The following SCG3 variants were observed in gnomAD, a reference collection of about 807,000 sequenced individuals.
SCG3 encodes the protein secretogranin-3.
SCG3 carries 38 observed loss-of-function variants against 56.2 expected under a neutral mutation model. The ratio of observed to expected loss-of-function variants is 0.68; its 90% CI spans 0.52 to 0.89. The LOEUF is 0.89. SCG3 is among the 40% of genes least tolerant of loss of function. The pLI is 0.00. For missense variants in SCG3, 524 were observed against 540.7 expected, an observed-to-expected ratio of 0.97 and a Z score of 0.31; for synonymous variants, 176 against 184.2, an observed-to-expected ratio of 0.96 and a Z score of 0.36.
chr15:51,697,413 C>A (rs2055311015), intron 8 of SCG3, among the ~76,000 whole-genome samples: 3 of 152,184 alleles, frequency 2.0e-5, no homozygotes. Context: ...CAGTGCTGCG[C>A]AATATGGTAA....
intron 4 of SCG3, among the ~76,000 whole-genome samples, chr15:51,687,082 A>G (rs1595828259): frequency 6.6e-6 from 1 of 152,200 alleles, no homozygotes; most frequent in African/African-American, 2.4e-5. Flanking sequence ...CGGAGATTCA[A>G]TTTCCATTTT....
At chr15:51,718,203 C>CAGACA (rs1343351735) in intron 11 of SCG3, among the ~76,000 whole-genome samples, 1 of 45,218 alleles carries the variant, frequency 2.2e-5, no homozygotes, top group Non-Finnish European at 5.1e-5. Flanking sequence ...GATAGATAGA[C>CAGACA]AGACAGACAG....
intron 10 of SCG3, among the ~76,000 whole-genome samples, chr15:51,704,315 A>T: frequency 6.9e-6 from 1 of 144,434 alleles, no homozygotes; most frequent in East Asian, 2.1e-4. Flanking sequence ...TAAAATGTAC[A>T]TAACCTAAAA....
chr15:51,716,398 A>G lies in SCG3; in HGVS notation c.1288+2985A>G, dbSNP rs541200102. 3.3e-5 allele frequency among the ~76,000 whole-genome samples: 5 copies of G among 152,344 alleles called. No homozygotes were observed. The East Asian group carries it at 7.7e-4, about 23-fold the overall frequency. On this transcript the variant is annotated intron_variant, in intron 11 of 11. Coordinates refer to ENST00000220478, the MANE Select transcript of SCG3 (RefSeq NM_013243.4). ...CTACTTCGTGCCTGAGAGAATGGGA[A>G]AAGTGAAAAACAAAAATAAAAATGA...
chr15:51,708,201 T>C (rs2055388111), intron 10 of SCG3: 1 of 152,168 alleles, frequency 6.6e-6, no homozygotes. Context: ...GAGAAAATAG[T>C]CCAGCTTTCC....
intron 10 of SCG3, among the ~76,000 whole-genome samples, chr15:51,711,727 C>T (rs1322377712): frequency 6.6e-6 from 1 of 152,208 alleles, no homozygotes; most frequent in Non-Finnish European, 1.5e-5. Context: ...TCAAACAATC[C>T]TCCCTCTTTG....
At chr15:51,687,737 T>C (rs2055238298) in intron 4 of SCG3, among the ~76,000 whole-genome samples, 1 of 152,186 alleles carries the variant, frequency 6.6e-6, no homozygotes, top group Non-Finnish European at 1.5e-5. Context: ...TTATTTTAGG[T>C]GAGTCATAAA....
rs757371895 is a variant in SCG3 at position 51,695,982 on chromosome 15, TCCTA to T, written c.980_983del (p.Tyr327LeufsTer7). 12 of 1,570,972 alleles carry T rather than the reference TCCTA, an allele frequency of 7.6e-6. No homozygotes were observed. Among genetic ancestry groups the T allele is most frequent in the African/African-American group, 1.4e-5 (1 of 74,000 alleles). On this transcript the variant is annotated frameshift_variant, in exon 8 of 12. Transcript: ENST00000220478. LOFTEE classifies it high-confidence loss of function. Reference sequence around the variant, plus strand: ...AACAATATCTCCAGAAGAAGGTGTTTCCTACCTTGGTGAGATTCTATGTGTTTTG... The same window carrying T: ...AACAATATCTCCAGAAGAAGGTGTTTCCTTGGTGAGATTCTATGTGTTTTG...
At position 51,719,537 on chromosome 15, in the gene SCG3, AG is replaced by A. The variant is rs1270618293; in HGVS notation, c.*12del. On this transcript the variant is annotated 3_prime_UTR_variant, in exon 12 of 12. Coordinates refer to ENST00000220478, the MANE Select transcript of SCG3 (RefSeq NM_013243.4). ...TATAGCAGCCTGTAAAAATGGCAAA[AG>A]ATCCAGGAGTCTTTCAACTGTTTCA... is the stretch of plus-strand genomic sequence containing the variant. 4 of 1,541,930 alleles carry A rather than the reference AG, an allele frequency of 2.6e-6. No individual in the cohort carries two copies. The highest frequency in any genetic ancestry group is 3.6e-6 in the Non-Finnish European group (4 of 1,116,340).
chr15:51,714,331 A>G (rs1011446902), intron 11 of SCG3, among the ~76,000 whole-genome samples: 1 of 152,176 alleles, frequency 6.6e-6, no homozygotes, highest in African/African-American at 2.4e-5. Context: ...GTGACTACAG[A>G]TTGAAAAAAT....
intron 10 of SCG3, among the ~76,000 whole-genome samples, chr15:51,712,484 A>G (rs1215979072): frequency 2.0e-5 from 3 of 152,228 alleles, no homozygotes; most frequent in African/African-American, 7.2e-5. Flanking sequence ...CCATGTCTGA[A>G]GGTGAGGTCT....
intron 10 of SCG3, among the ~76,000 whole-genome samples, chr15:51,707,310 A>G (rs2055382603): frequency 1.3e-5 from 2 of 152,234 alleles, no homozygotes; most frequent in Admixed American, 6.5e-5. Flanking sequence ...AGCCTATTTA[A>G]TAAGTTGATA....
intron 9 of SCG3, 34 bp downstream of exon 9, chr15:51,699,436 A>T: frequency 7.6e-7 from 1 of 1,321,000 alleles, no homozygotes; most frequent in Non-Finnish European, 1.1e-6. Context: ...TAGCCTTTAG[A>T]ATAATAACCC....
intron 11 of SCG3, among the ~76,000 whole-genome samples, chr15:51,719,105 A>G (rs953936497): frequency 6.6e-6 from 1 of 152,194 alleles, no homozygotes; most frequent in African/African-American, 2.4e-5. Context: ...TGTTTGGTAT[A>G]AACATTAAAA....
chr15:51,698,893 C>T (rs2055321384), intron 8 of SCG3, among the ~76,000 whole-genome samples: 1 of 152,172 alleles, frequency 6.6e-6, no homozygotes, highest in Admixed American at 6.5e-5. Flanking sequence ...ATGGAAGACC[C>T]TGTTTAGTCA....
intron 4 of SCG3, 52 bp from the exon 5 acceptor site, chr15:51,688,208 A>G: frequency 1.3e-6 from 2 of 1,538,962 alleles, no homozygotes; most frequent in Non-Finnish European, 8.9e-7. Context: ...AATATGATGC[A>G]TGAAATAGAT....
At chr15:51,690,851 A>C (rs781550755) in intron 6 of SCG3, among the ~76,000 whole-genome samples, 5 of 152,202 alleles carry the variant, frequency 3.3e-5, no homozygotes, top group Non-Finnish European at 5.9e-5. Context: ...ATTTCAACAA[A>C]TATTTATTGA....
chr15:51,718,184 GGATA>G (rs3078126), intron 11 of SCG3, among the ~76,000 whole-genome samples: 221 of 122,422 alleles, frequency 1.8e-3, no homozygotes, highest in South Asian at 7.2e-3. Context: ...ATGGATGGAT[GGATA>G]GATAGATAGA....
At position 51,683,178 on chromosome 15, in the gene SCG3, G is replaced by T; in HGVS notation, c.182-41G>T. The T allele has an allele frequency of 1.9e-6, 3 of 1,603,082 alleles. No individual in the cohort carries two copies. In the South Asian group the frequency reaches 3.3e-5, roughly 18 times the overall value. On this transcript the variant is annotated intron_variant, in intron 3 of 11. Coordinates refer to ENST00000220478, the MANE Select transcript of SCG3 (RefSeq NM_013243.4). The stretch of plus-strand genomic sequence containing the variant: ...TAAATAATGTAGGCTATGAGAATCT[G>T]AACTAAAATGGCTGTGTTGGGTTTG...
Sources: gnomAD v4.1 joint callset for allele counts (sites outside exome capture counted in the v4.1 genomes callset) on GRCh38, gnomAD v4.1.1 for gene constraint, MANE v1.5 for transcripts, NCBI Gene and HGNC (gene_info 2026-07-23, HGNC 2026-07-21) for gene names.